VGLL4: variants seen among roughly 807,000 people sequenced by gnomAD.
The protein encoded by VGLL4 is vestigial like family member 4.
A neutral mutation model predicts 21.0 loss-of-function variants in VGLL4; 7 were observed. That is an observed-to-expected ratio of 0.33 (90% CI 0.19 to 0.63). The LOEUF (loss-of-function observed/expected upper bound fraction) is 0.63. VGLL4 is among the 20% of genes least tolerant of loss of function. The pLI, the probability that VGLL4 is intolerant of heterozygous loss-of-function variation, is 0.78. For synonymous variants in VGLL4, 222 were observed against 173.2 expected, an observed-to-expected ratio of 1.28 and a Z score of -2.21; for missense variants, 394 against 425.7, an observed-to-expected ratio of 0.93 and a Z score of 0.66.
chr3:11,656,503 G>A (rs183455469), intron 2 of VGLL4, among the ~76,000 whole-genome samples: 3 of 152,290 alleles, frequency 2.0e-5, no homozygotes, highest in East Asian at 1.9e-4. Context: ...TTGCAGAAGG[G>A]GCTGGCAGAG....
chr3:11,692,465 T>C (rs980913726), intron 2 of VGLL4, among the ~76,000 whole-genome samples: 3 of 152,210 alleles, frequency 2.0e-5, no homozygotes. Context: ...ATGGTATTTT[T>C]TGATGTCATT....
intron 2 of VGLL4, among the ~76,000 whole-genome samples, chr3:11,578,781 G>A (rs539312430): frequency 2.5e-4 from 28 of 112,008 alleles, no homozygotes; most frequent in African/African-American, 9.1e-4. Flanking sequence ...ATGGAGTCTC[G>A]CTCTGTCACC....
Position 11,564,934 on chromosome 3 carries a change from T to C in VGLL4, c.358A>G (p.Ser120Gly). 6.3e-7 allele frequency: 1 copy of C among 1,586,274 alleles called. No individual in the cohort carries two copies. Among genetic ancestry groups the C allele is most frequent in the Non-Finnish European group, 8.6e-7 (1 of 1,166,390 alleles). ...GTGTACAGGTGGCTGCCGTGCAGGC[T>C]CATGGTGGGGGCCACAGCGCGCTCG... ...PIERAVAPTM[S>G]LHGSHLYTSL... The change falls in exon 3 of 5, where the codon AGC becomes GGC. Residue 120 changes from serine to glycine, a missense_variant. Physicochemically the swap from Ser to Gly is moderately conservative, Grantham distance 56 (BLOSUM62 0). Transcript: ENST00000430365.
intron 1 of VGLL4, among the ~76,000 whole-genome samples, chr3:11,630,261 A>G (rs924814752): frequency 2.0e-5 from 3 of 152,248 alleles, no homozygotes; most frequent in Non-Finnish European, 4.4e-5. Context: ...ATGAATTACA[A>G]GTTAACAATG....
At chr3:11,693,192 AAATGTTTTGTAAACTAC>A (rs994134248) in intron 2 of VGLL4, 1 of 183,824 alleles carries the variant, frequency 5.4e-6, no homozygotes, top group African/African-American at 2.4e-5. Context: ...AAGTAAATGA[AAATGTTTTGTAAACTAC>A]AAAGTATTAT....
rs2076638183 is a variant in VGLL4, at chr3:11,698,687, T to C, written c.64+4284A>G. Among the ~76,000 whole-genome samples the C allele has an allele frequency of 3.9e-5, 6 of 152,216 alleles. No homozygotes were observed. In the South Asian group the frequency reaches 1.2e-3, roughly 32 times the overall value. Reference sequence around the variant, plus strand: ...CAATGTCTCATGAGCAGTGGAATGATTATTTTAAGTAAATTTATCCCTTCC... The same window carrying C: ...CAATGTCTCATGAGCAGTGGAATGACTATTTTAAGTAAATTTATCCCTTCC... On this transcript the variant is annotated intron_variant, in intron 2 of 5. Transcript: ENST00000273038.
chr3:11,601,648 C>T (rs934930411), intron 2 of VGLL4, among the ~76,000 whole-genome samples, 185 bp downstream of exon 2: 8 of 152,164 alleles, frequency 5.3e-5, no homozygotes, highest in Non-Finnish European at 1.0e-4. Context: ...TCCACCTCAC[C>T]GCGAGTTATC....
intron 2 of VGLL4, among the ~76,000 whole-genome samples, chr3:11,580,579 G>A (rs546467971): frequency 2.0e-5 from 3 of 152,232 alleles, no homozygotes; most frequent in Admixed American, 6.5e-5. Context: ...AGTAAAGGAG[G>A]TGGGAAGTAT....
intron 1 of VGLL4, among the ~76,000 whole-genome samples, chr3:11,625,927 T>C (rs760119688): frequency 4.6e-5 from 7 of 152,148 alleles, no homozygotes; most frequent in Admixed American, 2.6e-4. Flanking sequence ...GGGTCAAGGT[T>C]TCTTCCGGGA....
intron 2 of VGLL4, among the ~76,000 whole-genome samples, chr3:11,683,734 C>T (rs1037349417): frequency 2.0e-5 from 3 of 151,674 alleles, no homozygotes; most frequent in Admixed American, 2.0e-4. Flanking sequence ...GCAGAGTTTG[C>T]AGTGAGCCAA....
intron 2 of VGLL4, among the ~76,000 whole-genome samples, chr3:11,693,335 G>T (rs1358300116): frequency 6.6e-6 from 1 of 152,126 alleles, no homozygotes; most frequent in African/African-American, 2.4e-5. Context: ...AAGCCTCCCT[G>T]CAGGGGCTAC....
Position 11,565,897 on chromosome 3 carries a change from G to GTTCC in VGLL4, c.273-882_273-879dup. 6.6e-6 allele frequency among the ~76,000 whole-genome samples: 1 copy of GTTCC among 152,268 alleles called. No homozygotes were observed. The highest frequency in any genetic ancestry group is 2.1e-4 in the South Asian group (1 of 4,824). ...CCTGCTTTATTCCAGGGGTCCCACA[G>GTTCC]TTCCATCTGCCTTGGGTCTTGCCCC... On this transcript the variant is annotated intron_variant, in intron 2 of 4. Transcript: ENST00000430365. This position sits in a 1 kb window ranked among gnomAD's most constrained non-coding sequence, Gnocchi z 4.1.
At chr3:11,628,688 C>T (rs193038224) in intron 1 of VGLL4, among the ~76,000 whole-genome samples, 12 of 152,038 alleles carry the variant, frequency 7.9e-5, no homozygotes, top group Admixed American at 2.0e-4. Flanking sequence ...GGCGTGGTGG[C>T]GGGCGCCTGT....
chr3:11,715,728 T>C (rs2076910756), intron 1 of VGLL4, among the ~76,000 whole-genome samples: 1 of 152,112 alleles, frequency 6.6e-6, no homozygotes, highest in East Asian at 1.9e-4. Flanking sequence ...GAAATGAGAG[T>C]GAGATTCCTT....
upstream of VGLL4, among the ~76,000 whole-genome samples, chr3:11,647,718 A>G (rs2075813478): frequency 6.6e-6 from 1 of 152,128 alleles, no homozygotes; most frequent in Non-Finnish European, 1.5e-5. Context: ...AGCAAGGACT[A>G]TGCCTTCCTC....
chr3:11,639,743 G>A (rs2075653367), intron 1 of VGLL4, among the ~76,000 whole-genome samples: 1 of 152,096 alleles, frequency 6.6e-6, no homozygotes, highest in African/African-American at 2.4e-5. Context: ...CATGGTGCAG[G>A]GCACCTACTG....
At chr3:11,630,095 G>A (rs531712558) in intron 1 of VGLL4, among the ~76,000 whole-genome samples, 1 of 152,196 alleles carries the variant, frequency 6.6e-6, no homozygotes, top group Admixed American at 6.5e-5. Context: ...CCCCTCCCCT[G>A]ACAATACCAA....
chr3:11,712,962 A>ACACC (rs2076867825), intron 1 of VGLL4, among the ~76,000 whole-genome samples: 1 of 152,222 alleles, frequency 6.6e-6, no homozygotes, highest in African/African-American at 2.4e-5. Context: ...GAAGACTGTC[A>ACACC]CACCAGGTCA....
rs924519395 is a variant in VGLL4, at chr3:11,568,525, TCAGA to T, written c.273-3510_273-3507del. On this transcript the variant is annotated intron_variant, in intron 2 of 4. Coordinates refer to ENST00000430365, the MANE Select transcript of VGLL4 (RefSeq NM_001128219.3). The surrounding 1 kb of genome is among the most constrained non-coding windows in gnomAD (Gnocchi z 5.9). ...AACACAGCACAGTGGGCACTATGGG[TCAGA>T]CAAAGACACTGAAAACAGCGAGAAA... 6.1e-5 allele frequency: 94 copies of T among 1,535,918 alleles called. No individual in the cohort carries two copies. Among genetic ancestry groups the T allele is most frequent in the South Asian group, 3.2e-4 (27 of 83,652 alleles).
Sources: gnomAD v4.1 joint callset for allele counts (sites outside exome capture counted in the v4.1 genomes callset) on GRCh38, gnomAD v4.1.1 for gene constraint, Gnocchi (gnomAD v3.1) non-coding constraint, MANE v1.5 for transcripts, NCBI Gene and HGNC (gene_info 2026-07-23, HGNC 2026-07-21) for gene names.